The following ARHGAP24 variants were observed in gnomAD, a reference collection of about 807,000 sequenced individuals.
The protein encoded by ARHGAP24 is Rho GTPase activating protein 24.
ARHGAP24 carries 50 observed loss-of-function variants against 76.4 expected under a neutral mutation model. The ratio of observed to expected loss-of-function variants is 0.65; its 90% CI spans 0.52 to 0.83. ARHGAP24 has a LOEUF of 0.83. ARHGAP24 is among the 40% of genes least tolerant of loss of function. ARHGAP24 has a pLI of 0.00. For synonymous variants in ARHGAP24, 345 were observed against 323.3 expected, an observed-to-expected ratio of 1.07 and a Z score of -0.72; for missense variants, 930 against 914.2, an observed-to-expected ratio of 1.02 and a Z score of -0.22.
chr4:85,649,017 G>GTGTGTGTGTGTA (rs1721833909), intron 2 of ARHGAP24, among the ~76,000 whole-genome samples: 1 of 39,936 alleles, frequency 2.5e-5, no homozygotes, highest in African/African-American at 5.5e-5. Flanking sequence ...AAATATGTGT[G>GTGTGTGTGTGTA]TGTGTGTGTG....
At chr4:85,869,392 G>A (rs1176266137) in intron 3 of ARHGAP24, among the ~76,000 whole-genome samples, 1 of 152,094 alleles carries the variant, frequency 6.6e-6, no homozygotes, top group African/African-American at 2.4e-5. Context: ...GTCATTCTTG[G>A]CAGGGGACTG....
At position 85,755,631 on chromosome 4, in the gene ARHGAP24, G is replaced by GT. The variant is rs1329803538; in HGVS notation, c.268+33663dup. Among the ~76,000 whole-genome samples, 63 of 115,788 alleles carry GT rather than the reference G, an allele frequency of 5.4e-4. 3 individuals are homozygous for GT. Among genetic ancestry groups the GT allele is most frequent in the African/African-American group, 1.1e-3 (36 of 31,426 alleles). The allele number at this position is 115,788 out of a possible 152,430, so 76.0% of individuals were successfully genotyped here. A position where few individuals can be genotyped will look rare whatever the true frequency, so the allele number is the denominator to read the frequency against. ...TGGGAAGCTTCTATTCTTTTGTTTT[G>GT]TTTTGTTTTGTTTTGTTTTGAGACG... On this transcript the variant is annotated intron_variant, in intron 3 of 9. Transcript: ENST00000395184.
intron 3 of ARHGAP24, among the ~76,000 whole-genome samples, chr4:85,787,372 G>A (rs1727893943): frequency 6.6e-6 from 1 of 152,162 alleles, no homozygotes; most frequent in South Asian, 2.1e-4. Context: ...AGTTTCAGCA[G>A]TTGTGCTTCA....
chr4:85,507,152 A>G (rs947745723), intron 1 of ARHGAP24, among the ~76,000 whole-genome samples: 7 of 152,160 alleles, frequency 4.6e-5, no homozygotes, highest in Non-Finnish European at 8.8e-5. Context: ...GCATATTGAC[A>G]TATTGGACCT....
In ARHGAP24 at chr4:85,974,911, G is replaced by A; in HGVS notation, c.756G>A (p.Gln252=). The A allele has an allele frequency of 6.2e-7, 1 of 1,613,888 alleles. No homozygotes were observed. The highest frequency in any genetic ancestry group is 8.5e-7 in the Non-Finnish European group (1 of 1,179,892). Residue 252 remains glutamine (Q), a synonymous_variant, in exon 7 of 10, where the codon CAG becomes CAA. Transcript: ENST00000395184. ...AGGGTGTTAAGGAATTAGCAAAGCA[G>A]GTGAAGAGTTTGCCAGTGGTAAATT... ...EEAGVKELAK[Q]VKSLPVVNYN...
intron 1 of ARHGAP24, among the ~76,000 whole-genome samples, chr4:85,488,348 A>G (rs1181909668): frequency 6.6e-6 from 1 of 152,178 alleles, no homozygotes; most frequent in African/African-American, 2.4e-5. Context: ...GGAGAAGAAT[A>G]AAATTACAGA....
chr4:85,932,512 G>A (rs1192710646), intron 4 of ARHGAP24, among the ~76,000 whole-genome samples: 1 of 141,236 alleles, frequency 7.1e-6, no homozygotes, highest in Non-Finnish European at 1.5e-5. Flanking sequence ...TGCTGTTCCC[G>A]ATGCCTTCCT....
At chr4:85,899,078 T>C (rs933241323) in intron 3 of ARHGAP24, among the ~76,000 whole-genome samples, 1 of 152,224 alleles carries the variant, frequency 6.6e-6, no homozygotes, top group African/African-American at 2.4e-5. Flanking sequence ...AAGATATAAG[T>C]ATATCAAGTT....
At chr4:85,599,823 T>G (rs1719975183) in intron 2 of ARHGAP24, among the ~76,000 whole-genome samples, 1 of 152,158 alleles carries the variant, frequency 6.6e-6, no homozygotes, top group Non-Finnish European at 1.5e-5. Context: ...TATTGTGGCC[T>G]GCAAAAGTAA....
chr4:85,935,033 A>G (rs904674391), intron 4 of ARHGAP24, among the ~76,000 whole-genome samples: 7 of 152,214 alleles, frequency 4.6e-5, no homozygotes, highest in Non-Finnish European at 8.8e-5. Context: ...GTTACTATCT[A>G]TTCCCAGAAT....
intron 5 of ARHGAP24, among the ~76,000 whole-genome samples, chr4:85,950,440 C>T (rs1283660212): frequency 1.3e-5 from 2 of 151,908 alleles, no homozygotes; most frequent in East Asian, 1.9e-4. Flanking sequence ...TTTGAGGCTG[C>T]AATGAGTTAT....
chr4:85,727,414 A>G (rs1305219718), intron 3 of ARHGAP24, among the ~76,000 whole-genome samples: 5 of 152,120 alleles, frequency 3.3e-5, no homozygotes, highest in African/African-American at 4.8e-5. Flanking sequence ...ACAAATAGGC[A>G]CTAGATAGAG....
chr4:85,552,737 G>T (rs1726191655), intron 1 of ARHGAP24, among the ~76,000 whole-genome samples: 1 of 152,100 alleles, frequency 6.6e-6, no homozygotes, highest in South Asian at 2.1e-4. Flanking sequence ...GGATAGTCAG[G>T]TATTATTGAA....
intron 3 of ARHGAP24, among the ~76,000 whole-genome samples, chr4:85,748,569 G>A (rs1455925791): frequency 3.9e-5 from 6 of 152,156 alleles, no homozygotes; most frequent in Non-Finnish European, 2.9e-5. Context: ...GTATTTGGAC[G>A]TTTAAATAAA....
rs1578457982 is a variant in ARHGAP24 at position 85,977,509 on chromosome 4, T to A, written c.807-61T>A. 3.8e-6 allele frequency: 6 copies of A among 1,582,982 alleles called. No individual in the cohort carries two copies. In the East Asian group the frequency reaches 9.1e-5, roughly 24 times the overall value. ...AGTTTGTAAATTTTCTAATGATCGA[T>A]TTTTCTTCCACTGGCAAATTTGATC... On this transcript the variant is annotated intron_variant, in intron 7 of 9. Transcript: ENST00000395184.
At chr4:85,493,997 C>G (rs868860232) in intron 1 of ARHGAP24, among the ~76,000 whole-genome samples, 69 of 152,122 alleles carry the variant, frequency 4.5e-4, no homozygotes, top group African/African-American at 1.5e-3. Context: ...CTTTGACCTA[C>G]AAGGAAAACT....
At chr4:85,528,845 T>C (rs2110115436) in intron 1 of ARHGAP24, among the ~76,000 whole-genome samples, 1 of 152,256 alleles carries the variant, frequency 6.6e-6, no homozygotes, top group Non-Finnish European at 1.5e-5. Flanking sequence ...TAATATTTCA[T>C]TGATGCTTGT....
intron 3 of ARHGAP24, among the ~76,000 whole-genome samples, chr4:85,881,562 T>A (rs950156349): frequency 1.3e-5 from 2 of 152,160 alleles, no homozygotes; most frequent in African/African-American, 4.8e-5. Context: ...TTCAAAGAAT[T>A]GTAAATTTGG....
At chr4:85,722,983 TG>T (rs1347223397) in intron 3 of ARHGAP24, among the ~76,000 whole-genome samples, 5 of 152,192 alleles carry the variant, frequency 3.3e-5, no homozygotes, top group African/African-American at 1.2e-4. Context: ...CATGACTAAA[TG>T]TGAATTAATG....
Sources: gnomAD v4.1 joint callset for allele counts (sites outside exome capture counted in the v4.1 genomes callset) on GRCh38, gnomAD v4.1.1 for gene constraint, MANE v1.5 for transcripts, NCBI Gene and HGNC (gene_info 2026-07-23, HGNC 2026-07-21) for gene names.